PHEX: variants seen among roughly 807,000 people sequenced by gnomAD.
The protein encoded by PHEX is phosphate regulating endopeptidase X-linked.
PHEX carries 16 observed loss-of-function variants against 68.0 expected under a neutral mutation model. The ratio of observed to expected loss-of-function variants is 0.24; its 90% CI spans 0.16 to 0.36. The LOEUF (loss-of-function observed/expected upper bound fraction) is 0.36. Among genes scored for constraint, PHEX ranks in the 10% least tolerant of loss-of-function variants. The probability of loss-of-function intolerance (pLI) is 1.00; values close to 1 mark genes in which losing one functional copy is unlikely to be tolerated. For synonymous variants in PHEX, 208 were observed against 205.1 expected (o/e 1.01, Z -0.12); for missense variants, 480 against 575.5 (o/e 0.83, Z 1.70).
At chrX:22,189,063 A>G (rs1314181644) in intron 14 of PHEX, among the ~76,000 whole-genome samples, 1 of 112,812 alleles carries the variant, frequency 8.9e-6, no homozygotes, top group Non-Finnish European at 1.9e-5. Flanking sequence ...TATTTCACTT[A>G]ACATAATGAC....
At chrX:22,222,678 A>G (rs1045689778) in intron 18 of PHEX, among the ~76,000 whole-genome samples, 8 of 112,240 alleles carry the variant, frequency 7.1e-5, no homozygotes, top group Non-Finnish European at 7.5e-5. Context: ...ACAATAGAAC[A>G]GCTTTCTTGG....
intron 8 of PHEX, among the ~76,000 whole-genome samples, chrX:22,097,287 C>G (rs141057603): frequency 8.9e-6 from 1 of 112,466 alleles, no homozygotes; most frequent in African/African-American, 3.2e-5. Flanking sequence ...AAAGTCTAGA[C>G]ATAGGTAATT....
intron 20 of PHEX, among the ~76,000 whole-genome samples, chrX:22,238,672 C>T (rs1936072065): frequency 9.0e-6 from 1 of 111,716 alleles, no homozygotes; most frequent in Non-Finnish European, 1.9e-5. Context: ...CTAGGTAGAG[C>T]CCACAGCAGT....
intron 2 of PHEX, among the ~76,000 whole-genome samples, chrX:22,042,733 C>T (rs1011699945): frequency 1.8e-5 from 2 of 111,015 alleles, no homozygotes; most frequent in East Asian, 2.8e-4. Context: ...TGCAGTGAGC[C>T]GAGATTGCAG....
chrX:22,135,977 G>T (rs1395203094), intron 12 of PHEX, among the ~76,000 whole-genome samples: 1 of 110,736 alleles, frequency 9.0e-6, no homozygotes, highest in East Asian at 2.8e-4. Context: ...GATGGATGTT[G>T]TTGAAGCAAT....
At chrX:22,192,796 G>T (rs936262261) in intron 15 of PHEX, among the ~76,000 whole-genome samples, 3 of 111,699 alleles carry the variant, frequency 2.7e-5, no homozygotes, top group African/African-American at 9.8e-5. Context: ...CCTCCATACT[G>T]GCCGTTGTTC....
chrX:22,073,693 G>A (rs927977950), intron 3 of PHEX, among the ~76,000 whole-genome samples: 1 of 89,310 alleles, frequency 1.1e-5, no homozygotes, highest in Non-Finnish European at 2.1e-5. Context: ...ACGCTGGAGT[G>A]TAGTGGCGAG....
chrX:22,187,515 T>A (rs754085388), intron 14 of PHEX, among the ~76,000 whole-genome samples: 1 of 111,940 alleles, frequency 8.9e-6, no homozygotes, highest in South Asian at 3.7e-4. Context: ...AGATTGAGCC[T>A]ACCTGAATAA....
chrX:22,074,089 A>G (rs988146267), intron 3 of PHEX, among the ~76,000 whole-genome samples: 13 of 111,469 alleles, frequency 1.2e-4, no homozygotes, highest in African/African-American at 3.6e-4. Flanking sequence ...GCCTTTCTCA[A>G]TGCTTTGGGG....
intron 11 of PHEX, among the ~76,000 whole-genome samples, chrX:22,124,420 C>A (rs1323220531): frequency 8.9e-6 from 1 of 111,882 alleles, no homozygotes; most frequent in East Asian, 2.8e-4. Flanking sequence ...TTGCCTTTGC[C>A]ACATATTATC....
rs773263537 is a variant in PHEX at position 22,109,811 on chromosome X, GA to G, written c.1080-1655del. 3.8e-4 allele frequency among the ~76,000 whole-genome samples: 43 copies of G among 111,783 alleles called. No homozygotes were observed. In the South Asian group the frequency reaches 0.016, roughly 41 times the overall value. ...AAAAGGCAACCCTTAAAATTTAACAGATTTTTAAAGATATGTATTATAGGCA... is the reference window on the plus strand; with the variant it reads ...AAAAGGCAACCCTTAAAATTTAACAGTTTTTAAAGATATGTATTATAGGCA... On this transcript the variant is annotated intron_variant, in intron 9 of 21. Coordinates refer to ENST00000379374, the MANE Select transcript of PHEX (RefSeq NM_000444.6).
chrX:22,169,161 T>C lies in PHEX; in HGVS notation c.1482+772T>C, dbSNP rs143036985. ...TTTCCTGAAATTGTGGTTCAACAAGTGGCATATCTGAAAACGATCCCAGCT... is the reference window on the plus strand; with the variant it reads ...TTTCCTGAAATTGTGGTTCAACAAGCGGCATATCTGAAAACGATCCCAGCT... On this transcript the variant is annotated intron_variant, in intron 13 of 21. Coordinates refer to ENST00000379374, the MANE Select transcript of PHEX (RefSeq NM_000444.6). Among the ~76,000 whole-genome samples the C allele has an allele frequency of 4.8e-3, 538 of 112,219 alleles. 6 individuals carry two copies. The highest frequency in any genetic ancestry group is 0.017 in the African/African-American group (511 of 30,917).
At chrX:22,076,862 C>T (rs1354612654) in intron 4 of PHEX, among the ~76,000 whole-genome samples, 2 of 111,772 alleles carry the variant, frequency 1.8e-5, no homozygotes, top group Non-Finnish European at 3.8e-5. Flanking sequence ...CCCAGGCATG[C>T]CAGGTTCCTG....
At chrX:22,209,105 G>T (rs1934805344) in intron 15 of PHEX, among the ~76,000 whole-genome samples, 1 of 111,597 alleles carries the variant, frequency 9.0e-6, no homozygotes, top group Non-Finnish European at 1.9e-5. Context: ...CGGAAGGAGG[G>T]TTACATGAAA....
intron 11 of PHEX, among the ~76,000 whole-genome samples, chrX:22,124,086 G>A (rs781405525): frequency 1.8e-5 from 2 of 110,508 alleles, no homozygotes; most frequent in Admixed American, 9.7e-5. Context: ...CCTCCTCAGC[G>A]TCCCAAAGTG....
intron 1 of PHEX, among the ~76,000 whole-genome samples, chrX:22,033,784 T>A (rs184702538): frequency 7.5e-4 from 84 of 112,165 alleles, no homozygotes; most frequent in African/African-American, 2.7e-3. Context: ...ATGATAGAAG[T>A]GTATTCCCAT....
At chrX:22,224,925 C>G (rs1339065777) in intron 18 of PHEX, among the ~76,000 whole-genome samples, 2 of 589 alleles carry the variant, frequency 3.4e-3, no homozygotes, top group African/African-American at 7.8e-3. Flanking sequence ...TTACTATAAA[C>G]TTAGTAGCTT....
intron 5 of PHEX, among the ~76,000 whole-genome samples, chrX:22,083,004 G>A (rs1310114930): frequency 1.8e-5 from 2 of 111,449 alleles, no homozygotes; most frequent in African/African-American, 6.5e-5. Context: ...GTACAACTAC[G>A]GATACATAGA....
chrX:22,186,939 C>T (rs1211447832), intron 14 of PHEX, among the ~76,000 whole-genome samples: 3 of 111,747 alleles, frequency 2.7e-5, no homozygotes, highest in Non-Finnish European at 5.6e-5. Flanking sequence ...TCTAGGAATA[C>T]ACGTTATCTT....
Sources: allele counts gnomAD v4.1 joint callset (sites outside exome capture counted in the v4.1 genomes callset), GRCh38; gene constraint gnomAD v4.1.1; transcripts MANE v1.5; gene names NCBI Gene and HGNC (gene_info 2026-07-23, HGNC 2026-07-21).